ASPRV1: variants seen among roughly 807,000 people sequenced by gnomAD.
The protein encoded by ASPRV1 is aspartic peptidase retroviral like 1.
A neutral mutation model predicts 11.0 loss-of-function variants in ASPRV1; 7 were observed. The ratio of observed to expected loss-of-function variants is 0.64; its 90% CI spans 0.36 to 1.20. The LOEUF is 1.20. Ranked by LOEUF, ASPRV1 falls within the 50% of genes most tolerant of loss-of-function variation. The pLI is 0.02. For missense variants in ASPRV1, 299 were observed against 320.0 expected, an observed-to-expected ratio of 0.93 and a Z score of 0.50; for synonymous variants, 136 against 138.4, an observed-to-expected ratio of 0.98 and a Z score of 0.12.
the ASPRV1 span, among the ~76,000 whole-genome samples, chr2:70,020,104 C>T: frequency 2.0e-5 from 3 of 151,416 alleles, no homozygotes; most frequent in Admixed American, 6.6e-5. Flanking sequence ...AGTGTCGCAA[C>T]GATATGGGGA....
At chr2:70,063,989 C>T in the ASPRV1 span, 4 of 152,182 alleles carry the variant, frequency 2.6e-5, no homozygotes, top group Non-Finnish European at 5.9e-5. Context: ...TCCTTCCTTG[C>T]TTAGAATTCT....
At chr2:70,068,057 C>G in the ASPRV1 span, among the ~76,000 whole-genome samples, 1 of 152,224 alleles carries the variant, frequency 6.6e-6, no homozygotes, top group East Asian at 1.9e-4. Flanking sequence ...CCTAAGTCCA[C>G]ACTCTATCCC....
At chr2:69,937,956 C>T in the ASPRV1 span, 5 of 728,134 alleles carry the variant, frequency 6.9e-6, no homozygotes, top group Non-Finnish European at 1.1e-5. Context: ...TGTGTTGGCC[C>T]AGCTGGTCTC....
At chr2:69,936,996 C>T in the ASPRV1 span, 2 of 632,212 alleles carry the variant, frequency 3.2e-6, no homozygotes, top group South Asian at 3.0e-5. Flanking sequence ...TGTGAGAGCT[C>T]ACCCCCAGAA....
chr2:69,953,473 G>A, the ASPRV1 span, among the ~76,000 whole-genome samples: 5 of 152,352 alleles, frequency 3.3e-5, no homozygotes, highest in Admixed American at 1.3e-4. Context: ...CTTTGTGGCC[G>A]GAAGGGCTCA....
At chr2:69,984,029 C>T in the ASPRV1 span, among the ~76,000 whole-genome samples, 122 of 152,246 alleles carry the variant, frequency 8.0e-4, no homozygotes, top group African/African-American at 2.4e-3. Context: ...ACTCTATGAA[C>T]GAGGAGGTTT....
the ASPRV1 span, among the ~76,000 whole-genome samples, chr2:69,950,234 C>T: frequency 1.3e-5 from 2 of 152,342 alleles, no homozygotes; most frequent in South Asian, 4.1e-4. Flanking sequence ...CCCCCAGGTA[C>T]ACCTGAGTGT....
chr2:69,951,423 CA>C, the ASPRV1 span, among the ~76,000 whole-genome samples: 20,909 of 63,632 alleles, frequency 0.33, 3,015 homozygotes, highest in African/African-American at 0.53. Flanking sequence ...GACTCCATCT[CA>C]AAAAAAAAAA....
At chr2:69,982,426 A>C in the ASPRV1 span, among the ~76,000 whole-genome samples, 1 of 152,194 alleles carries the variant, frequency 6.6e-6, no homozygotes, top group African/African-American at 2.4e-5. Flanking sequence ...ACTGCACTCC[A>C]GCCTGGGTGA....
At chr2:70,030,048 T>C in the ASPRV1 span, 3 of 152,230 alleles carry the variant, frequency 2.0e-5, no homozygotes, top group South Asian at 4.1e-4. Flanking sequence ...CACACAGTAA[T>C]TGCTGACTTG....
chr2:70,074,805 A>G, the ASPRV1 span, among the ~76,000 whole-genome samples: 1 of 150,522 alleles, frequency 6.6e-6, no homozygotes, highest in African/African-American at 2.4e-5. Flanking sequence ...TACAAGCAGT[A>G]GAGTGCAGAG....
chr2:69,950,063 G>C, the ASPRV1 span, among the ~76,000 whole-genome samples: 2 of 152,154 alleles, frequency 1.3e-5, no homozygotes, highest in African/African-American at 2.4e-5. Context: ...TGATCCACCT[G>C]CCTCAGCCTC....
At chr2:69,963,914 G>A (rs572930255), upstream of ASPRV1, among the ~76,000 whole-genome samples, 1 of 152,276 alleles carries the variant, frequency 6.6e-6, no homozygotes, top group South Asian at 2.1e-4. Context: ...CGGGGGCAGG[G>A]GTCTGGTGGG....
chr2:69,943,757 G>A, the ASPRV1 span, among the ~76,000 whole-genome samples: 2 of 152,272 alleles, frequency 1.3e-5, no homozygotes, highest in Non-Finnish European at 2.9e-5. Flanking sequence ...CACCTTTCCA[G>A]CGTGAGTCTC....
At chr2:69,966,836 G>A in the ASPRV1 span, among the ~76,000 whole-genome samples, 8 of 152,142 alleles carry the variant, frequency 5.3e-5, no homozygotes, top group Non-Finnish European at 1.0e-4. Flanking sequence ...TCAATCAACT[G>A]CCAACCTAGC....
the ASPRV1 span, among the ~76,000 whole-genome samples, chr2:70,007,730 G>T: frequency 1.3e-5 from 2 of 152,130 alleles, no homozygotes; most frequent in Non-Finnish European, 2.9e-5. Flanking sequence ...AAAGTTTCTA[G>T]ATCCCTCAAG....
At chr2:69,962,737 G>A (rs1229976160), upstream of ASPRV1, 1 of 163,886 alleles carries the variant, frequency 6.1e-6, no homozygotes, top group Admixed American at 5.7e-5. Context: ...CCTGTCCCTA[G>A]AAAGGGCACC....
In ASPRV1 at chr2:69,960,858, C is replaced by G. The variant is rs139581474; in HGVS notation, c.579G>C (p.Ala193=). 2.1e-5 allele frequency: 34 copies of G among 1,614,162 alleles called. No homozygotes were observed. The South Asian group carries it at 3.1e-4, about 15-fold the overall frequency. ...TGCCAATGATGGCTTCCTCGGCACT[C>G]GCATTGGCCACTAGGAACTGTGCCT... The part of the protein sequence containing the change: ...KLKAQFLVAN[A]SAEEAIIGTD... Residue 193 remains alanine, a synonymous_variant, in exon 1 of 1, where the codon GCG becomes GCC. Coordinates refer to ENST00000320256, the MANE Select transcript of ASPRV1 (RefSeq NM_152792.4).
chr2:69,936,978 T>C, the ASPRV1 span: 1 of 600,460 alleles, frequency 1.7e-6, no homozygotes, highest in East Asian at 3.8e-5. Flanking sequence ...GCTACCAGGG[T>C]GCCAGTATGT....
Sources: allele counts gnomAD v4.1 joint callset (sites outside exome capture counted in the v4.1 genomes callset), GRCh38; gene constraint gnomAD v4.1.1; transcripts MANE v1.5; gene names NCBI Gene and HGNC (gene_info 2026-07-23, HGNC 2026-07-21).